DNAH6: variants seen among roughly 807,000 people sequenced by gnomAD.
The protein encoded by DNAH6 is dynein axonemal heavy chain 6.
Under a neutral mutation model 491.4 loss-of-function variants are expected in DNAH6, and 340 were observed. That is an observed-to-expected ratio of 0.69 (90% confidence interval 0.63 to 0.76). The LOEUF is 0.76. Among genes scored for constraint, DNAH6 ranks in the 30% least tolerant of loss-of-function variants. The probability of loss-of-function intolerance (pLI) is 0.00; values close to 1 mark genes in which losing one functional copy is unlikely to be tolerated. For synonymous variants in DNAH6, 1,603 were observed against 1,686.1 expected (o/e 0.95, Z 1.21); for missense variants, 4,443 against 4,972.2 (o/e 0.89, Z 3.20).
chr2:84,577,693 T>C (rs1171435514), intron 13 of DNAH6, among the ~76,000 whole-genome samples: 1 of 152,110 alleles, frequency 6.6e-6, no homozygotes, highest in African/African-American at 2.4e-5. Context: ...GAGAGGATAC[T>C]ACCATAACAG....
Position 84,579,509 on chromosome 2 carries a change from A to G in DNAH6, c.2077-18A>G. 6.2e-7 allele frequency: 1 copy of G among 1,611,940 alleles called. No homozygotes were observed. The highest frequency in any genetic ancestry group is 8.5e-7 in the Non-Finnish European group (1 of 1,178,734). ...AAATATTCGACTATTTACAATTCAC[A>G]CGGTGTTTCTTTCTTAGGTGCTAAA... On this transcript the variant is annotated intron_variant, in intron 13 of 76. Coordinates refer to ENST00000389394, the MANE Select transcript of DNAH6 (RefSeq NM_001370.2).
At chr2:84,605,618 T>TA in intron 20 of DNAH6, 26 bp downstream of exon 20, 1 of 1,468,612 alleles carries the variant, frequency 6.8e-7, no homozygotes. Flanking sequence ...ATTGAAAACT[T>TA]ATGGTAAAGA....
At chr2:84,768,254 A>G (rs970388330) in intron 64 of DNAH6, among the ~76,000 whole-genome samples, 2 of 152,044 alleles carry the variant, frequency 1.3e-5, no homozygotes, top group East Asian at 1.9e-4. Context: ...GCAAGAATTA[A>G]TGACTTAGGA....
the DNAH6 span, among the ~76,000 whole-genome samples, chr2:84,485,873 A>G: frequency 6.6e-6 from 1 of 151,858 alleles, no homozygotes; most frequent in Non-Finnish European, 1.5e-5. Context: ...GAAATATTTC[A>G]CGGCACACAA....
intron 21 of DNAH6, among the ~76,000 whole-genome samples, chr2:84,610,787 A>G (rs1686248240): frequency 6.6e-6 from 1 of 152,226 alleles, no homozygotes; most frequent in Non-Finnish European, 1.5e-5. Flanking sequence ...ATCTTCTTCA[A>G]CAAACCACAT....
intron 67 of DNAH6, among the ~76,000 whole-genome samples, chr2:84,785,965 T>G (rs1188450647): frequency 2.0e-5 from 3 of 152,342 alleles, no homozygotes; most frequent in Non-Finnish European, 4.4e-5. Flanking sequence ...CTGATCTGCC[T>G]ACAGAATACC....
At chr2:84,802,372 A>G (rs949700499) in intron 70 of DNAH6, among the ~76,000 whole-genome samples, 1 of 152,244 alleles carries the variant, frequency 6.6e-6, no homozygotes, top group African/African-American at 2.4e-5. Flanking sequence ...AAGATCTATC[A>G]TGCAAACAAA....
chr2:84,600,186 A>T (rs930685263), intron 18 of DNAH6, among the ~76,000 whole-genome samples: 34 of 152,134 alleles, frequency 2.2e-4, no homozygotes, highest in African/African-American at 8.2e-4. Context: ...GGTTTACCTA[A>T]TTCTCCTTTC....
At chr2:84,530,340 A>C (rs1025763344) in intron 4 of DNAH6, among the ~76,000 whole-genome samples, 1 of 152,144 alleles carries the variant, frequency 6.6e-6, no homozygotes, top group Non-Finnish European at 1.5e-5. Context: ...CTGTCATTTG[A>C]ACAAGGACTT....
At chr2:84,586,237 C>T (rs1683539136) in intron 15 of DNAH6, among the ~76,000 whole-genome samples, 1 of 152,164 alleles carries the variant, frequency 6.6e-6, no homozygotes, top group Non-Finnish European at 1.5e-5. Flanking sequence ...ACAGCTGCGC[C>T]CAAGGAACTC....
Position 84,762,921 on chromosome 2 carries a change from C to T in DNAH6, c.10679C>T (p.Ala3560Val). 1 of 1,551,150 alleles carries T rather than the reference C, an allele frequency of 6.4e-7. No individual in the cohort carries two copies. Among genetic ancestry groups the T allele is most frequent in the South Asian group, 1.2e-5 (1 of 83,970 alleles). ...CCCATGGGTGCATTTCAGAGGTTTGCCAGGGAAAGTGGATATTCAGAACGG... is the reference window on the plus strand; with the variant it reads ...CCCATGGGTGCATTTCAGAGGTTTGTCAGGGAAAGTGGATATTCAGAACGG... ...SDPMGAFQRF[A>V]RESGYSERVQ... The change falls in exon 64 of 77, where the codon GCC becomes GTC. Residue 3560 changes from alanine (A) to valine (V), a missense_variant. Transcript: ENST00000389394.
chr2:84,593,397 G>A (rs1421976190), intron 16 of DNAH6, among the ~76,000 whole-genome samples: 7 of 152,152 alleles, frequency 4.6e-5, no homozygotes, highest in Admixed American at 1.3e-4. Flanking sequence ...TTTCCCCAGC[G>A]TTGAACCAAG....
intron 76 of DNAH6, among the ~76,000 whole-genome samples, chr2:84,816,423 A>G (rs1298147607): frequency 6.6e-6 from 1 of 152,212 alleles, no homozygotes; most frequent in African/African-American, 2.4e-5. Context: ...CATAAAAGAA[A>G]TTTTAAAATA....
intron 4 of DNAH6, among the ~76,000 whole-genome samples, chr2:84,541,716 A>T (rs1383365615): frequency 6.6e-6 from 1 of 152,252 alleles, no homozygotes; most frequent in African/African-American, 2.4e-5. Context: ...ATCAGGGGGA[A>T]AAAACATGGT....
rs573037520 is a variant in DNAH6 at position 84,751,525 on chromosome 2, T to C, written c.10512+6276T>C. Among the ~76,000 whole-genome samples the C allele has an allele frequency of 1.4e-4, 21 of 152,338 alleles. No homozygotes were observed. The South Asian group carries it at 4.4e-3, about 32-fold the overall frequency. ...TTTCAAAAACTCTTAGTAAGCCCCA[T>C]GGTATAGGCTCATTAGAACTGCAAC... On this transcript the variant is annotated intron_variant, in intron 63 of 76. Coordinates refer to ENST00000389394, the MANE Select transcript of DNAH6 (RefSeq NM_001370.2).
intron 65 of DNAH6, among the ~76,000 whole-genome samples, chr2:84,782,786 C>T (rs1321556197): frequency 6.6e-6 from 1 of 151,988 alleles, no homozygotes; most frequent in African/African-American, 2.4e-5. Flanking sequence ...CAGGGGTCCC[C>T]AGTGATTAGG....
intron 64 of DNAH6, among the ~76,000 whole-genome samples, chr2:84,766,130 AAC>A (rs1675053628): frequency 1.3e-5 from 2 of 152,150 alleles, no homozygotes; most frequent in African/African-American, 4.8e-5. Context: ...GGAAAATTTT[AAC>A]ACATCCGATA....
Position 84,781,224 on chromosome 2 carries a change from G to T in DNAH6, c.10704-269G>T, listed in dbSNP as rs185258077. On this transcript the variant is annotated intron_variant, in intron 64 of 76. Coordinates refer to ENST00000389394, the MANE Select transcript of DNAH6 (RefSeq NM_001370.2). ...GAGGCATGAGAGAAATGTCTCTAGT[G>T]TATCAGCACAGGTCTCTTCTCAACC... 1.5e-3 allele frequency among the ~76,000 whole-genome samples: 234 copies of T among 152,288 alleles called. 3 individuals carry two copies. The highest frequency in any genetic ancestry group is 5.1e-3 in the African/African-American group (210 of 41,564).
the DNAH6 span, among the ~76,000 whole-genome samples, chr2:84,501,873 T>C: frequency 6.6e-6 from 1 of 151,442 alleles, no homozygotes; most frequent in African/African-American, 2.4e-5. Flanking sequence ...AGTTGTAATG[T>C]CACCTTTTTT....
Sources: gnomAD v4.1 joint callset for allele counts (sites outside exome capture counted in the v4.1 genomes callset) on GRCh38, gnomAD v4.1.1 for gene constraint, MANE v1.5 for transcripts, NCBI Gene and HGNC (gene_info 2026-07-23, HGNC 2026-07-21) for gene names.